Variants in CTNNA3 observed in about 807,000 individuals in gnomAD.
CTNNA3 encodes the protein catenin alpha-3.
In CTNNA3, 76 loss-of-function variants were observed where a neutral mutation model predicts 95.7. That is an observed-to-expected ratio of 0.79 (90% CI 0.66 to 0.96). The LOEUF (loss-of-function observed/expected upper bound fraction) is 0.96. Among genes scored for constraint, CTNNA3 ranks in the 40% least tolerant of loss-of-function variants. The probability of loss-of-function intolerance (pLI) is 0.00; values close to 1 mark genes in which losing one functional copy is unlikely to be tolerated. For synonymous variants in CTNNA3, 431 were observed against 374.4 expected (o/e 1.15, Z -1.74); for missense variants, 1,191 against 1,089.8 (o/e 1.09, Z -1.31).
At chr10:67,222,950 C>G (rs1304122053) in intron 5 of CTNNA3, among the ~76,000 whole-genome samples, 1 of 152,160 alleles carries the variant, frequency 6.6e-6, no homozygotes, top group Non-Finnish European at 1.5e-5. Context: ...ATTGTAGTAA[C>G]TTTAATGCCA....
intron 5 of CTNNA3, among the ~76,000 whole-genome samples, chr10:67,297,622 A>G (rs1840099881): frequency 6.6e-6 from 1 of 152,232 alleles, no homozygotes; most frequent in African/African-American, 2.4e-5. Flanking sequence ...GAAGAGGCAG[A>G]GAAATAGTAG....
At chr10:67,623,812 T>A (rs1245623384) in intron 2 of CTNNA3, among the ~76,000 whole-genome samples, 1 of 151,994 alleles carries the variant, frequency 6.6e-6, no homozygotes, top group Non-Finnish European at 1.5e-5. Flanking sequence ...TACCCTGGTA[T>A]GTTTATTATT....
At chr10:66,983,995 T>C (rs1049876955) in intron 7 of CTNNA3, among the ~76,000 whole-genome samples, 3 of 152,186 alleles carry the variant, frequency 2.0e-5, no homozygotes, top group Admixed American at 6.6e-5. Flanking sequence ...TTGATGATAA[T>C]CGAGGCTTAG....
At chr10:67,679,700 G>GT (rs1423257721) in intron 1 of CTNNA3, among the ~76,000 whole-genome samples, 1 of 151,952 alleles carries the variant, frequency 6.6e-6, no homozygotes, top group Admixed American at 6.6e-5. Context: ...GATAAAATTG[G>GT]TTTCACTCAA....
chr10:67,482,794 A>G (rs539345211), intron 5 of CTNNA3, among the ~76,000 whole-genome samples: 2,575 of 152,166 alleles, frequency 0.017, 76 homozygotes, highest in African/African-American at 0.056. Context: ...TATTGAATAG[A>G]AGTGGTGAGA....
intron 7 of CTNNA3, among the ~76,000 whole-genome samples, chr10:67,005,687 T>TTTTTTTTTTTTTGTTTG (rs1851936209): frequency 2.0e-5 from 2 of 102,258 alleles, no homozygotes; most frequent in African/African-American, 6.2e-5. Flanking sequence ...TCCATCTTTT[T>TTTTTTTTTTTTTGTTTG]TTTTTTTTTT....
At chr10:67,635,946 G>A (rs993761912) in intron 2 of CTNNA3, among the ~76,000 whole-genome samples, 1 of 152,106 alleles carries the variant, frequency 6.6e-6, no homozygotes, top group Non-Finnish European at 1.5e-5. Flanking sequence ...AGCTCCTTAA[G>A]CTGATAAGCA....
At chr10:66,087,856 G>A (rs980849810) in intron 14 of CTNNA3, among the ~76,000 whole-genome samples, 7 of 151,926 alleles carry the variant, frequency 4.6e-5, no homozygotes, top group African/African-American at 1.7e-4. Flanking sequence ...GCTACTGTTT[G>A]GAAATGAAAG....
intron 7 of CTNNA3, among the ~76,000 whole-genome samples, chr10:67,080,060 G>T (rs1856971403): frequency 6.6e-6 from 1 of 152,112 alleles, no homozygotes; most frequent in African/African-American, 2.4e-5. Flanking sequence ...AATTTAACCT[G>T]CCTCTTGCTG....
intron 15 of CTNNA3, among the ~76,000 whole-genome samples, chr10:66,033,088 G>A (rs540705840): frequency 3.3e-5 from 5 of 150,990 alleles, no homozygotes; most frequent in African/African-American, 9.7e-5. Context: ...CTCCCTGGAA[G>A]TTACACTGAT....
At chr10:67,552,103 A>T (rs1841054401) in intron 3 of CTNNA3, among the ~76,000 whole-genome samples, 1 of 152,232 alleles carries the variant, frequency 6.6e-6, no homozygotes, top group African/African-American at 2.4e-5. Flanking sequence ...TAGTGTCCAA[A>T]AGCAAAGAAA....
chr10:66,013,912 T>C (rs940349628), intron 15 of CTNNA3, among the ~76,000 whole-genome samples: 6 of 152,184 alleles, frequency 3.9e-5, no homozygotes, highest in African/African-American at 1.4e-4. Context: ...GGATAATTGA[T>C]TCAAAGCTGT....
chr10:66,308,915 A>G (rs924650661), intron 12 of CTNNA3, among the ~76,000 whole-genome samples: 5 of 152,130 alleles, frequency 3.3e-5, no homozygotes, highest in Middle Eastern at 3.2e-3. Flanking sequence ...CTCTTCCTTA[A>G]TATCTGTTTC....
intron 13 of CTNNA3, among the ~76,000 whole-genome samples, chr10:66,201,246 C>T (rs746064072): frequency 7.2e-5 from 11 of 152,196 alleles, no homozygotes; most frequent in African/African-American, 1.2e-4. Context: ...CCTTCACTAA[C>T]TGTCTGCCTT....
intron 13 of CTNNA3, among the ~76,000 whole-genome samples, chr10:66,129,418 C>T (rs1390927553): frequency 6.6e-6 from 1 of 152,214 alleles, no homozygotes; most frequent in African/African-American, 2.4e-5. Flanking sequence ...GTGGTAGGAT[C>T]AGAACTCCAG....
intron 11 of CTNNA3, among the ~76,000 whole-genome samples, chr10:66,421,317 G>C: frequency 6.6e-6 from 1 of 152,118 alleles, no homozygotes; most frequent in East Asian, 1.9e-4. Context: ...CATGTAATTA[G>C]ATAAAAGGCA....
At chr10:67,133,378 T>TATATAC (rs1177119156) in intron 7 of CTNNA3, among the ~76,000 whole-genome samples, 2,117 of 133,852 alleles carry the variant, frequency 0.016, 27 homozygotes, top group Non-Finnish European at 0.022. Flanking sequence ...TATATATATA[T>TATATAC]ACACACACAC....
intron 9 of CTNNA3, among the ~76,000 whole-genome samples, chr10:66,683,047 C>T (rs1392032436): frequency 6.6e-6 from 1 of 152,050 alleles, no homozygotes; most frequent in Non-Finnish European, 1.5e-5. Flanking sequence ...TTATTTAACC[C>T]CTATGAGCTT....
At chr10:67,320,448 G>A (rs1031779583) in intron 5 of CTNNA3, among the ~76,000 whole-genome samples, 5 of 152,142 alleles carry the variant, frequency 3.3e-5, no homozygotes, top group African/African-American at 1.2e-4. Flanking sequence ...GAGATAACCA[G>A]CAGCTTGGGT....
Sources: gnomAD v4.1 joint callset for allele counts (sites outside exome capture counted in the v4.1 genomes callset) on GRCh38, gnomAD v4.1.1 for gene constraint, MANE v1.5 for transcripts, NCBI Gene and HGNC (gene_info 2026-07-23, HGNC 2026-07-21) for gene names.